The following NPSR1 variants were observed in gnomAD, a reference collection of about 807,000 sequenced individuals.
NPSR1 encodes neuropeptide S receptor.
Under a neutral mutation model 46.9 loss-of-function variants are expected in NPSR1, and 48 were observed. The ratio of observed to expected loss-of-function variants is 1.02; its 90% CI spans 0.81 to 1.30. NPSR1 has a LOEUF of 1.30. NPSR1 is among the 50% of genes most tolerant of loss of function. NPSR1 has a pLI of 0.00. For synonymous variants in NPSR1, 176 were observed against 168.1 expected, an observed-to-expected ratio of 1.05 and a Z score of -0.36; for missense variants, 450 against 449.5, an observed-to-expected ratio of 1.00 and a Z score of -0.01.
intron 3 of NPSR1, among the ~76,000 whole-genome samples, chr7:34,804,348 G>A (rs190477614): frequency 2.0e-5 from 3 of 152,040 alleles, no homozygotes; most frequent in Admixed American, 2.0e-4. Flanking sequence ...ATTTATTCCA[G>A]GCATGAAAAT....
intron 8 of NPSR1, among the ~76,000 whole-genome samples, chr7:34,861,589 T>C (rs1791193339): frequency 6.6e-6 from 1 of 151,876 alleles, no homozygotes; most frequent in African/African-American, 2.4e-5. Flanking sequence ...TATTCAATGT[T>C]GTATTCCCAA....
rs555151391 is a variant in NPSR1, at chr7:34,737,403, G to A, written c.281-41059G>A. ...TTCATCCCACTTTTCCCTCCATCTCGCACTGCATTTCTTTACCACCCATTA... is the reference window on the plus strand; with the variant it reads ...TTCATCCCACTTTTCCCTCCATCTCACACTGCATTTCTTTACCACCCATTA... On this transcript the variant is annotated intron_variant, in intron 2 of 8. Transcript: ENST00000360581. 3.2e-3 allele frequency among the ~76,000 whole-genome samples: 482 copies of A among 152,176 alleles called. 6 individuals carry two copies. The highest frequency in any genetic ancestry group is 0.011 in the African/African-American group (453 of 41,512).
intron 2 of NPSR1, chr7:34,710,739 C>T (rs1440354715): frequency 2.6e-6 from 1 of 386,168 alleles, no homozygotes; most frequent in Non-Finnish European, 4.9e-6. Context: ...TGCCTATAAG[C>T]ATCAACTGCA....
downstream of NPSR1, among the ~76,000 whole-genome samples, chr7:34,853,560 C>T (rs2128766455): frequency 6.6e-6 from 1 of 152,304 alleles, no homozygotes; most frequent in East Asian, 1.9e-4. Flanking sequence ...AGTGCAATTC[C>T]AGGCTTACAG....
chr7:34,804,857 TAGA>T (rs749797297), intron 3 of NPSR1, among the ~76,000 whole-genome samples: 4 of 151,800 alleles, frequency 2.6e-5, no homozygotes, highest in Non-Finnish European at 5.9e-5. Context: ...CACTGAAGAA[TAGA>T]AGGTTAATAT....
chr7:34,702,955 AC>A (rs1323731455), intron 2 of NPSR1, among the ~76,000 whole-genome samples: 1 of 152,216 alleles, frequency 6.6e-6, no homozygotes, highest in Non-Finnish European at 1.5e-5. Flanking sequence ...TGTAAACAAA[AC>A]CCTAGTTGAC....
intron 1 of NPSR1, among the ~76,000 whole-genome samples, chr7:34,665,793 TACAC>T (rs143482652): frequency 2.6e-5 from 4 of 151,094 alleles, no homozygotes; most frequent in African/African-American, 9.7e-5. Context: ...TTCACCTACA[TACAC>T]ACACACACAC....
chr7:34,703,079 G>A (rs1056332927), intron 2 of NPSR1, among the ~76,000 whole-genome samples: 2 of 152,212 alleles, frequency 1.3e-5, no homozygotes, highest in Non-Finnish European at 2.9e-5. Flanking sequence ...AAAAGGAGCG[G>A]CCAGGCGCGG....
At chr7:34,770,072 CTTAT>C (rs1181977282) in intron 2 of NPSR1, among the ~76,000 whole-genome samples, 1 of 152,162 alleles carries the variant, frequency 6.6e-6, no homozygotes, top group Non-Finnish European at 1.5e-5. Context: ...CAGAAATAGG[CTTAT>C]TTAAGATTGA....
chr7:34,828,061 A>G (rs556692250), intron 5 of NPSR1, among the ~76,000 whole-genome samples: 30 of 152,354 alleles, frequency 2.0e-4, no homozygotes, highest in African/African-American at 5.3e-4. Context: ...GATTTTGTAA[A>G]TGAAAAGATA....
At chr7:34,834,552 C>T in intron 6 of NPSR1, 92 bp downstream of exon 6, 1 of 878,112 alleles carries the variant, frequency 1.1e-6, no homozygotes, top group East Asian at 2.4e-5. Flanking sequence ...CTCCTTGATA[C>T]ACAAGCATAC....
At chr7:34,718,917 A>C (rs1414022305) in intron 2 of NPSR1, 2 of 152,230 alleles carry the variant, frequency 1.3e-5, no homozygotes, top group Admixed American at 1.3e-4. Context: ...ATTGGGAGAT[A>C]ATCATCTTTC....
chr7:34,785,497 A>G (rs963763946), intron 3 of NPSR1, among the ~76,000 whole-genome samples: 1 of 149,562 alleles, frequency 6.7e-6, no homozygotes, highest in Admixed American at 6.6e-5. Context: ...TAACCTGCAC[A>G]TTGTGCACAC....
chr7:34,751,322 T>C (rs1012556810), intron 2 of NPSR1: 14 of 1,016,166 alleles, frequency 1.4e-5, no homozygotes, highest in Non-Finnish European at 2.2e-5. Context: ...GTACTGATCA[T>C]GCAGAACTTG....
At chr7:34,747,799 A>C (rs1785285257) in intron 2 of NPSR1, among the ~76,000 whole-genome samples, 1 of 152,244 alleles carries the variant, frequency 6.6e-6, no homozygotes. Context: ...CTTCAGTTTT[A>C]GAACACGACA....
At chr7:34,702,903 C>A (rs1488756868) in intron 2 of NPSR1, among the ~76,000 whole-genome samples, 1 of 152,124 alleles carries the variant, frequency 6.6e-6, no homozygotes, top group South Asian at 2.1e-4. Context: ...CTCTAGAACC[C>A]GCTAGCATAG....
chr7:34,687,616 A>T (rs1458414905), intron 2 of NPSR1, among the ~76,000 whole-genome samples: 1 of 152,196 alleles, frequency 6.6e-6, no homozygotes, highest in East Asian at 1.9e-4. Flanking sequence ...AACCGCCCTC[A>T]TGATCCAATT....
At chr7:34,843,402 A>G (rs1289197767) in intron 6 of NPSR1, among the ~76,000 whole-genome samples, 2 of 152,168 alleles carry the variant, frequency 1.3e-5, no homozygotes, top group East Asian at 1.9e-4. Flanking sequence ...TAACACAATA[A>G]TAGCAATAAT....
At chr7:34,760,795 T>G (rs1420500226) in intron 2 of NPSR1, among the ~76,000 whole-genome samples, 1 of 152,166 alleles carries the variant, frequency 6.6e-6, no homozygotes, top group Non-Finnish European at 1.5e-5. Context: ...AAACTGATAC[T>G]ACGGAGCTTT....
Sources: gnomAD v4.1 joint callset for allele counts (sites outside exome capture counted in the v4.1 genomes callset) on GRCh38, gnomAD v4.1.1 for gene constraint, MANE v1.5 for transcripts, NCBI Gene and HGNC (gene_info 2026-07-23, HGNC 2026-07-21) for gene names.